The following ARMC6 variants were observed in gnomAD, a reference collection of about 807,000 sequenced individuals.
ARMC6 encodes the protein armadillo repeat containing 6, also known as armadillo repeat-containing protein 6.
Under a neutral mutation model 49.2 loss-of-function variants are expected in ARMC6, and 43 were observed. That is an observed-to-expected ratio of 0.87 (90% confidence interval 0.69 to 1.13). ARMC6 has a LOEUF of 1.13. ARMC6 is among the 50% of genes most tolerant of loss of function. ARMC6 has a pLI of 0.00. For synonymous variants in ARMC6, 262 were observed against 289.6 expected, an observed-to-expected ratio of 0.90 and a Z score of 0.97; for missense variants, 627 against 682.0, an observed-to-expected ratio of 0.92 and a Z score of 0.90.
chr19:19,054,380 A>G, intron 6 of ARMC6, 59 bp downstream of exon 6: 1 of 1,428,982 alleles, frequency 7.0e-7, no homozygotes, highest in Non-Finnish European at 9.2e-7. Flanking sequence ...CAACCGGACG[A>G]GCTATAGTCA....
chr19:19,041,213 C>G (rs1029198896), intron 2 of ARMC6, among the ~76,000 whole-genome samples: 1 of 152,132 alleles, frequency 6.6e-6, no homozygotes, highest in African/African-American at 2.4e-5. Context: ...GTCATTTCTC[C>G]TAGGCATTTT....
chr19:19,046,341 C>T (rs1365821228), intron 4 of ARMC6, among the ~76,000 whole-genome samples: 1 of 151,864 alleles, frequency 6.6e-6, no homozygotes, highest in East Asian at 1.9e-4. Context: ...AGACTACAGG[C>T]GCCTGCCATG....
intron 4 of ARMC6, among the ~76,000 whole-genome samples, chr19:19,050,848 A>C (rs2059489840): frequency 6.6e-6 from 1 of 152,216 alleles, no homozygotes; most frequent in South Asian, 2.1e-4. Context: ...AACCACCCTG[A>C]TTCAGTCTGA....
Position 19,051,950 on chromosome 19 carries a change from G to C in ARMC6, c.608G>C (p.Arg203Pro), listed in dbSNP as rs373198003. 13 of 1,614,134 alleles carry C rather than the reference G, an allele frequency of 8.1e-6. No individual in the cohort carries two copies. The South Asian group carries it at 1.3e-4, about 16-fold the overall frequency. ...DLTCSGIRCV[R>P]HACLKHEQNR... ...ACCTGCTCTGGGATCCGCTGTGTGCGTCACGCTTGCCTGAAACATGAACAG... is the reference window on the plus strand; with the variant it reads ...ACCTGCTCTGGGATCCGCTGTGTGCCTCACGCTTGCCTGAAACATGAACAG... Residue 203 changes from arginine to proline, a missense_variant, in exon 5 of 9, where the codon CGT (arginine) becomes CCT (proline). By Grantham distance (103) the Arg-to-Pro change is moderately radical. Coordinates refer to ENST00000535612, the MANE Select transcript of ARMC6 (RefSeq NM_001199196.2).
intron 4 of ARMC6, among the ~76,000 whole-genome samples, chr19:19,048,908 A>G (rs1458383302): frequency 1.3e-5 from 2 of 152,182 alleles, no homozygotes; most frequent in East Asian, 3.8e-4. Flanking sequence ...AAGTCTTACG[A>G]TGATCAGTTA....
In ARMC6 at chr19:19,057,509, C is replaced by T. The variant is rs1399478090; in HGVS notation, c.1387C>T (p.Gln463Ter). The change falls in exon 9 of 9, where the codon CAG becomes TAG. Residue 463 changes from glutamine (Q) to a stop codon, truncating the protein, a stop_gained. Transcript: ENST00000535612. LOFTEE classifies it high-confidence loss of function. ...CCTGGGGGCTGAGGCACTCATCATG[C>T]AGGCCCGATCTGCCCACCGTGACTG... ...LDLGAEALIM[Q>*]ARSAHRDCED... The T allele has an allele frequency of 1.2e-6, 2 of 1,614,096 alleles. No individual in the cohort carries two copies. The highest frequency in any genetic ancestry group is 1.7e-5 in the Admixed American group (1 of 60,030).
At chr19:19,046,180 T>C (rs933398459) in intron 4 of ARMC6, among the ~76,000 whole-genome samples, 4 of 151,998 alleles carry the variant, frequency 2.6e-5, no homozygotes, top group African/African-American at 9.7e-5. Flanking sequence ...CCTTTTTTTT[T>C]CTTAACTGTT....
chr19:19,056,781 G>T (rs75962982), intron 8 of ARMC6, among the ~76,000 whole-genome samples: 2,440 of 152,182 alleles, frequency 0.016, 61 homozygotes, highest in African/African-American at 0.056. Flanking sequence ...CCCAGCATAG[G>T]ATTCTTGGAC....
At chr19:19,040,771 C>T (rs762922161) in intron 2 of ARMC6, 8 of 447,194 alleles carry the variant, frequency 1.8e-5, no homozygotes, top group South Asian at 1.1e-4. Context: ...CCTCGGTCTC[C>T]CTGATTGCTG....
chr19:19,035,236 C>T (rs987703916), intron 2 of ARMC6, among the ~76,000 whole-genome samples: 7 of 152,068 alleles, frequency 4.6e-5, no homozygotes, highest in African/African-American at 1.7e-4. Flanking sequence ...AAACTCCTGA[C>T]CTCAAGTGAT....
chr19:19,055,040 GCCCC>G lies in ARMC6; in HGVS notation c.1024-223_1024-220del, dbSNP rs920029317. On this transcript the variant is annotated intron_variant, in intron 6 of 8. Coordinates refer to ENST00000535612, the MANE Select transcript of ARMC6 (RefSeq NM_001199196.2). This position sits in a 1 kb window ranked among gnomAD's most constrained non-coding sequence, Gnocchi z 5.7. ...CTCTGAAGGCCGGCCTGAGTCACAT[GCCCC>G]CGCTGCCCCTGTCGGGGTAGGGGAT... Among the ~76,000 whole-genome samples the G allele has an allele frequency of 2.0e-5, 3 of 152,190 alleles. No homozygotes were observed. Among genetic ancestry groups the G allele is most frequent in the Non-Finnish European group, 4.4e-5 (3 of 68,032 alleles).
intron 3 of ARMC6, 32 bp from the exon 4 acceptor site, chr19:19,043,958 ACC>A: frequency 6.3e-7 from 1 of 1,594,362 alleles, no homozygotes; most frequent in Non-Finnish European, 8.6e-7. Context: ...TTTCTTTCTG[ACC>A]CCTGTGTGCT....
intron 2 of ARMC6, chr19:19,039,276 A>G (rs1365015159): frequency 2.5e-6 from 1 of 402,822 alleles, no homozygotes; most frequent in African/African-American, 2.1e-5. Context: ...CTTCAACCAC[A>G]CGCAAATGCC....
chr19:19,049,743 C>G (rs1461867624), intron 4 of ARMC6, among the ~76,000 whole-genome samples: 1 of 152,196 alleles, frequency 6.6e-6, no homozygotes, highest in East Asian at 1.9e-4. Context: ...GAATCACAGG[C>G]TGGCCACCCT....
At chr19:19,051,557 C>T in intron 4 of ARMC6, 65 bp from the exon 5 acceptor site, 1 of 1,438,456 alleles carries the variant, frequency 7.0e-7, no homozygotes, top group Non-Finnish European at 9.5e-7. Context: ...GGTCCAGACA[C>T]TGTTGCTGTG....
At chr19:19,044,107 C>T (rs559512285) in intron 4 of ARMC6, 33 bp downstream of exon 4, 15 of 1,587,028 alleles carry the variant, frequency 9.5e-6, no homozygotes, top group African/African-American at 8.1e-5. Flanking sequence ...GCAGGTCCTG[C>T]GTCACCTCTG....
intron 2 of ARMC6, among the ~76,000 whole-genome samples, chr19:19,035,634 G>C (rs1417830236): frequency 2.0e-5 from 3 of 152,226 alleles, no homozygotes; most frequent in African/African-American, 7.2e-5. Flanking sequence ...GTGGAAGGGA[G>C]GGGTTGTGGG....
intron 4 of ARMC6, among the ~76,000 whole-genome samples, chr19:19,051,112 T>A (rs1225160759): frequency 6.6e-6 from 1 of 152,216 alleles, no homozygotes; most frequent in African/African-American, 2.4e-5. Context: ...GTATGTCTGG[T>A]GAATGTGGCT....
chr19:19,036,745 G>T (rs2059372183), intron 2 of ARMC6, among the ~76,000 whole-genome samples: 1 of 152,192 alleles, frequency 6.6e-6, no homozygotes, highest in Non-Finnish European at 1.5e-5. Context: ...TGCCTCTTAA[G>T]CAACAAAGGA....
Sources: gnomAD v4.1 joint callset for allele counts (sites outside exome capture counted in the v4.1 genomes callset) on GRCh38, gnomAD v4.1.1 for gene constraint, Gnocchi (gnomAD v3.1) non-coding constraint, MANE v1.5 for transcripts, NCBI Gene and HGNC (gene_info 2026-07-23, HGNC 2026-07-21) for gene names.